The following KCNH2 variants were observed in gnomAD, a reference collection of about 807,000 sequenced individuals.
The protein encoded by KCNH2 is voltage-gated inwardly rectifying potassium channel KCNH2.
KCNH2 carries 35 observed loss-of-function variants against 95.9 expected under a neutral mutation model. The ratio of observed to expected loss-of-function variants is 0.37; its 90% CI spans 0.28 to 0.48. The LOEUF is 0.48. Ranked by LOEUF, KCNH2 falls within the 20% of genes least tolerant of loss-of-function variation. The probability of loss-of-function intolerance (pLI) is 0.99; values close to 1 mark genes in which losing one functional copy is unlikely to be tolerated. For missense variants in KCNH2, 1,274 were observed against 1,702.9 expected (o/e 0.75, Z 4.43); for synonymous variants, 786 against 754.7 (o/e 1.04, Z -0.68).
intron 5 of KCNH2, chr7:150,955,425 C>G (rs764462112): frequency 6.4e-7 from 1 of 1,564,780 alleles, no homozygotes; most frequent in Non-Finnish European, 8.7e-7. Flanking sequence ...GAGATGCGCA[C>G]GGCCCGCCTC....
chr7:150,948,008 T>G (rs1800984431), intron 11 of KCNH2, 130 bp from the exon 12 acceptor site: 2 of 1,116,006 alleles, frequency 1.8e-6, no homozygotes, highest in South Asian at 3.3e-5. Context: ...CCCAGTCGCT[T>G]CTTCTGCTAT....
Position 150,952,641 on chromosome 7 carries a change from G to A in KCNH2, c.1341C>T (p.Tyr447=), listed in dbSNP as rs367570298. The change falls in exon 6 of 15, where the codon TAC becomes TAT. Residue 447 remains tyrosine (Y), a synonymous_variant. Coordinates refer to ENST00000262186, the MANE Select transcript of KCNH2 (RefSeq NM_000238.4). This position sits in a 1 kb window ranked among gnomAD's most constrained non-coding sequence, Gnocchi z 7.3. The part of the protein sequence containing the change: ...EEGPPATECG[Y]ACQPLAVVDL... ...CCACCACAGCCAGCGGCTGGCAGGCGTAGCCACACTCGGTAGCAGGCGGGC... is the reference window on the plus strand; with the variant it reads ...CCACCACAGCCAGCGGCTGGCAGGCATAGCCACACTCGGTAGCAGGCGGGC... 155 of 1,613,898 alleles carry A rather than the reference G, an allele frequency of 9.6e-5. No homozygotes were observed. Among genetic ancestry groups the A allele is most frequent in the East Asian group, 2.2e-4 (10 of 44,892 alleles).
At chr7:150,960,872 G>A (rs1010710072) in intron 2 of KCNH2, among the ~76,000 whole-genome samples, 117 of 23,992 alleles carry the variant, frequency 4.9e-3, no homozygotes, top group African/African-American at 0.017. Flanking sequence ...ACCGCCCCCC[G>A]CCCCCCAACC....
At chr7:150,947,136 G>A (rs527971628) in intron 13 of KCNH2, 82 bp from the exon 14 acceptor site, 5 of 966,712 alleles carry the variant, frequency 5.2e-6, no homozygotes, top group South Asian at 1.6e-5. Context: ...GGGAAGGGGA[G>A]GGGGGAGGGG....
chr7:150,958,775 A>G (rs148200107), intron 3 of KCNH2, among the ~76,000 whole-genome samples: 51 of 152,308 alleles, frequency 3.3e-4, no homozygotes, highest in African/African-American at 1.2e-3. Flanking sequence ...CAGCGTCCCC[A>G]TTTTAGACAT....
rs576094073 is a variant in KCNH2, at chr7:150,972,572, C to G, written c.307+2139G>C. 2.0e-5 allele frequency among the ~76,000 whole-genome samples: 3 copies of G among 152,312 alleles called. No homozygotes were observed. In the South Asian group the frequency reaches 6.2e-4, roughly 32 times the overall value. ...TGTTGGCCAACAGGAGACACCTGAG[C>G]CCCGTGGAAACTAGGTGAGAGTGAA... On this transcript the variant is annotated intron_variant, in intron 2 of 14. Transcript: ENST00000262186.
chr7:150,956,763 C>T (rs949455934), intron 5 of KCNH2, among the ~76,000 whole-genome samples: 2 of 152,170 alleles, frequency 1.3e-5, no homozygotes, highest in African/African-American at 4.8e-5. Flanking sequence ...CCCCTCGAGG[C>T]CATCCTGGCC....
intron 13 of KCNH2, 105 bp from the exon 14 acceptor site, chr7:150,947,159 C>A (rs1011996432): frequency 1.8e-6 from 2 of 1,121,948 alleles, no homozygotes; most frequent in African/African-American, 3.1e-5. Context: ...GCCTGTCAAC[C>A]CAGGCCCTCC....
intron 2 of KCNH2, among the ~76,000 whole-genome samples, chr7:150,966,259 G>A (rs1002033922): frequency 4.0e-5 from 6 of 148,934 alleles, no homozygotes; most frequent in African/African-American, 1.5e-4. Context: ...TCTGTGCTCT[G>A]TCTTGGCTCC....
Position 150,946,814 on chromosome 7 carries a change from T to G in KCNH2, c.3330+63A>C. The stretch of plus-strand genomic sequence containing the variant: ...CCCAGCAGAAAGGCAGCAAAGCAGG[T>G]TTGGGCTGGAATCGGGGAACAAGCG... On this transcript the variant is annotated intron_variant, in intron 14 of 14. Transcript: ENST00000262186. This position sits in a 1 kb window ranked among gnomAD's most constrained non-coding sequence, Gnocchi z 6.5. The G allele has an allele frequency of 1.4e-6, 2 of 1,467,150 alleles. No homozygotes were observed. The highest frequency in any genetic ancestry group is 1.3e-5 in the South Asian group (1 of 79,922). 90.9% of individuals were successfully genotyped at this position (1,467,150 alleles called of 1,614,324 possible).
intron 2 of KCNH2, among the ~76,000 whole-genome samples, chr7:150,966,238 A>G (rs906266839): frequency 6.6e-6 from 1 of 152,186 alleles, no homozygotes; most frequent in Non-Finnish European, 1.5e-5. Flanking sequence ...AGTGGCCTGT[A>G]GGCTTCTAGG....
At chr7:150,955,666 G>A in intron 5 of KCNH2, 2 of 1,404,172 alleles carry the variant, frequency 1.4e-6, no homozygotes, top group Non-Finnish European at 1.8e-6. Context: ...TTGTGGCTGG[G>A]CCCCAGGGCT....
At position 150,970,842 on chromosome 7, in the gene KCNH2, C is replaced by G. The variant is rs547102681; in HGVS notation, c.307+3869G>C. Among the ~76,000 whole-genome samples the G allele has an allele frequency of 1.1e-4, 16 of 152,272 alleles. 1 individual carries two copies. In the South Asian group the frequency reaches 3.3e-3, roughly 32 times the overall value. On this transcript the variant is annotated intron_variant, in intron 2 of 14. Transcript: ENST00000262186. Reference sequence around the variant, plus strand: ...AGGAAAAGTTCTCCTGTGTCTAAGCCCCATCCTCTGGGATCGCTCTGGTCT... The same window carrying G: ...AGGAAAAGTTCTCCTGTGTCTAAGCGCCATCCTCTGGGATCGCTCTGGTCT...
At chr7:150,959,453 G>T (rs1290164237) in intron 3 of KCNH2, 119 bp downstream of exon 3, 1 of 1,264,698 alleles carries the variant, frequency 7.9e-7, no homozygotes, top group East Asian at 2.4e-5. Context: ...CCAAAGGGGG[G>T]ACCCCCCACC....
chr7:150,971,673 G>C (rs961171477), intron 2 of KCNH2, among the ~76,000 whole-genome samples: 3 of 151,846 alleles, frequency 2.0e-5, no homozygotes, highest in African/African-American at 7.3e-5. Context: ...GGAGGCACCA[G>C]AGAGGAGATA....
rs1800879965 is a variant in KCNH2, at chr7:150,946,156, A to C, written c.3331-642T>G. Among the ~76,000 whole-genome samples the C allele has an allele frequency of 6.6e-6, 1 of 152,088 alleles. No homozygotes were observed. The highest frequency in any genetic ancestry group is 2.4e-5 in the African/African-American group (1 of 41,410). On this transcript the variant is annotated intron_variant, in intron 14 of 14. Transcript: ENST00000262186. The surrounding 1 kb of genome is among the most constrained non-coding windows in gnomAD (Gnocchi z 6.5). ...GGGAAGTGGGGAGGGAGCAGATCCC[A>C]GGCCGCCTCTGGCAGCCAGAGGAGT...
intron 3 of KCNH2, among the ~76,000 whole-genome samples, chr7:150,958,716 G>C (rs1801471879): frequency 6.6e-6 from 1 of 152,176 alleles, no homozygotes; most frequent in African/African-American, 2.4e-5. Flanking sequence ...TGACACTTCA[G>C]GGCGGATTCC....
rs1420713106 is a variant in KCNH2, at chr7:150,962,027, G to C, written c.308-2291C>G. On this transcript the variant is annotated intron_variant, in intron 2 of 14. Coordinates refer to ENST00000262186, the MANE Select transcript of KCNH2 (RefSeq NM_000238.4). The surrounding 1 kb of genome is among the most constrained non-coding windows in gnomAD (Gnocchi z 5.7). ...CCTCACAGCCCCGCCCGAGGGCCCT[G>C]AGCTCTGGGGCTCTGTCTGGGTCTC... 6.6e-6 allele frequency among the ~76,000 whole-genome samples: 1 copy of C among 152,186 alleles called. No individual in the cohort carries two copies. Among genetic ancestry groups the C allele is most frequent in the African/African-American group, 2.4e-5 (1 of 41,458 alleles).
intron 2 of KCNH2, among the ~76,000 whole-genome samples, chr7:150,971,645 C>T (rs894826821): frequency 5.3e-5 from 8 of 151,168 alleles, no homozygotes; most frequent in East Asian, 2.0e-4. Context: ...GGTGCTGAGG[C>T]GAGGGAAGAA....
Sources: gnomAD v4.1 joint callset for allele counts (sites outside exome capture counted in the v4.1 genomes callset) on GRCh38, gnomAD v4.1.1 for gene constraint, Gnocchi (gnomAD v3.1) non-coding constraint, MANE v1.5 for transcripts, NCBI Gene and HGNC (gene_info 2026-07-23, HGNC 2026-07-21) for gene names.